Variants in ASXL3 observed in about 807,000 individuals in gnomAD.
ASXL3 encodes the protein putative Polycomb group protein ASXL3.
Under a neutral mutation model 170.6 loss-of-function variants are expected in ASXL3, and 34 were observed. That is an observed-to-expected ratio of 0.20 (90% confidence interval 0.15 to 0.27). The LOEUF is 0.27. Ranked by LOEUF, ASXL3 falls within the 10% of genes least tolerant of loss-of-function variation. The pLI, the probability that ASXL3 is intolerant of heterozygous loss-of-function variation, is 1.00. For missense variants in ASXL3, 2,592 were observed against 2,695.3 expected, an observed-to-expected ratio of 0.96 and a Z score of 0.85; for synonymous variants, 1,002 against 989.1, an observed-to-expected ratio of 1.01 and a Z score of -0.24.
intron 8 of ASXL3, among the ~76,000 whole-genome samples, chr18:33,713,341 A>ACCTCC (rs561144354): frequency 1.8e-5 from 1 of 56,056 alleles, no homozygotes; most frequent in African/African-American, 7.3e-5. Flanking sequence ...TGCAACCTCC[A>ACCTCC]CCCCCCCCCG....
intron 1 of ASXL3, among the ~76,000 whole-genome samples, chr18:33,592,860 A>G (rs923372012): frequency 1.3e-5 from 2 of 152,000 alleles, no homozygotes; most frequent in African/African-American, 4.8e-5. Flanking sequence ...CCTTTCCAGT[A>G]TTTATATTTT....
At position 33,646,294 on chromosome 18, in the gene ASXL3, A is replaced by C. The variant is rs978405700; in HGVS notation, c.296A>C (p.Glu99Ala). 1.2e-6 allele frequency: 2 copies of C among 1,611,656 alleles called. No individual in the cohort carries two copies. The highest frequency in any genetic ancestry group is 8.5e-7 in the Non-Finnish European group (1 of 1,178,296). Residue 99 changes from glutamate (E) to alanine (A), a missense_variant, in exon 4 of 12, where the codon GAA becomes GCA. This residue lies in a region of ASXL3 where 251 missense variants were observed against 281.9 expected (regional missense o/e 0.89). Transcript: ENST00000269197. ...GATGGCACGTTGGATTTAGTCTGTG[A>C]ATCTGAATTGGATGGTACAGATATG... The part of the protein sequence containing the change: ...PADGTLDLVC[E>A]SELDGTDMAE...
chr18:33,615,580 C>G (rs2065409895), intron 2 of ASXL3, among the ~76,000 whole-genome samples: 1 of 152,130 alleles, frequency 6.6e-6, no homozygotes, highest in South Asian at 2.1e-4. Flanking sequence ...TTGCCTCAAA[C>G]TTGCAATTTG....
chr18:33,633,276 C>T (rs1292079045), intron 2 of ASXL3, among the ~76,000 whole-genome samples: 2 of 152,070 alleles, frequency 1.3e-5, no homozygotes, highest in Non-Finnish European at 2.9e-5. Flanking sequence ...ACAAAGAGAA[C>T]ACTATATAAA....
At position 33,746,855 on chromosome 18, in the gene ASXL3, A is replaced by G. The variant is rs1185141962; in HGVS notation, c.*260A>G. The G allele has an allele frequency of 9.6e-6, 4 of 418,488 alleles. No individual in the cohort carries two copies. In the East Asian group the frequency reaches 1.5e-4, roughly 16 times the overall value. The allele number at this position is 418,488 out of a possible 1,614,324, so 25.9% of individuals were successfully genotyped here. ...AAAGTTTCTATCTGTCCATGTGTAT[A>G]CAAGTCAATGCCCCATTTTTGTTTT... is the stretch of plus-strand genomic sequence containing the variant. On this transcript the variant is annotated 3_prime_UTR_variant, in exon 12 of 12. Coordinates refer to ENST00000269197, the MANE Select transcript of ASXL3 (RefSeq NM_030632.3).
intron 1 of ASXL3, among the ~76,000 whole-genome samples, 180 bp from the exon 2 acceptor site, chr18:33,607,414 G>A (rs747845969): frequency 4.0e-5 from 6 of 151,768 alleles, no homozygotes; most frequent in African/African-American, 1.2e-4. Context: ...AGAAATTTCC[G>A]ATTTAAATGT....
At chr18:33,721,100 A>G (rs2067250205) in intron 8 of ASXL3, among the ~76,000 whole-genome samples, 1 of 152,028 alleles carries the variant, frequency 6.6e-6, no homozygotes, top group Admixed American at 6.6e-5. Flanking sequence ...TTATAATGAA[A>G]CCTGTTTCTC....
intron 8 of ASXL3, among the ~76,000 whole-genome samples, chr18:33,709,588 T>G (rs976808915): frequency 6.6e-6 from 1 of 152,150 alleles, no homozygotes; most frequent in African/African-American, 2.4e-5. Flanking sequence ...AAAACTAATC[T>G]GTGGTGTTAG....
chr18:33,727,065 C>T (rs2067364231), intron 8 of ASXL3, among the ~76,000 whole-genome samples: 1 of 152,144 alleles, frequency 6.6e-6, no homozygotes, highest in African/African-American at 2.4e-5. Flanking sequence ...CTATTTAGAG[C>T]CGCAATCATC....
chr18:33,626,713 G>A (rs2065609715), intron 2 of ASXL3: 1 of 152,052 alleles, frequency 6.6e-6, no homozygotes, highest in Non-Finnish European at 1.5e-5. Flanking sequence ...TTCTGCTATG[G>A]AAAGGATCTT....
chr18:33,705,407 A>T (rs1319586004), intron 8 of ASXL3, among the ~76,000 whole-genome samples: 1 of 151,286 alleles, frequency 6.6e-6, no homozygotes, highest in Non-Finnish European at 1.5e-5. Context: ...CTTATATCAA[A>T]CGTGTGTGAC....
At position 33,745,583 on chromosome 18, in the gene ASXL3, A is replaced by G; in HGVS notation, c.5735A>G (p.His1912Arg). ...TGTAGCTTCCAGCAGAACCTATTTC[A>G]TGTTGACAAGAATGGCGGCTTCCAC... is the stretch of plus-strand genomic sequence containing the variant. ...PSCSFQQNLFHVDKNGGFHTD... is the reference protein window; with the variant it reads ...PSCSFQQNLFRVDKNGGFHTD... The change falls in exon 12 of 12, where the codon CAT becomes CGT. Residue 1912 changes from histidine (H) to arginine (R), a missense_variant. His to Arg is a conservative substitution (Grantham distance 29, BLOSUM62 0). Around this residue, in one of 4 missense-constraint regions of ASXL3, gnomAD observed 2,246 missense variants for 2,219.6 expected, o/e 1.01. Transcript: ENST00000269197. 6.2e-7 allele frequency: 1 copy of G among 1,613,972 alleles called. No individual in the cohort carries two copies. The highest frequency in any genetic ancestry group is 2.2e-5 in the East Asian group (1 of 44,868).
chr18:33,612,513 T>C (rs2065351631), intron 2 of ASXL3, among the ~76,000 whole-genome samples: 1 of 152,086 alleles, frequency 6.6e-6, no homozygotes, highest in South Asian at 2.1e-4. Context: ...AATTCTTTAT[T>C]CCACTGATAA....
At position 33,739,205 on chromosome 18, in the gene ASXL3, C is replaced by G; in HGVS notation, c.1801C>G (p.Gln601Glu). The G allele has an allele frequency of 1.9e-6, 3 of 1,613,874 alleles. No individual in the cohort carries two copies. The highest frequency in any genetic ancestry group is 2.5e-6 in the Non-Finnish European group (3 of 1,179,836). Residue 601 changes from glutamine (Q) to glutamate (E), a missense_variant, in exon 11 of 12, where the codon CAG becomes GAG. This residue lies in a region of ASXL3 where 2,246 missense variants were observed against 2,219.6 expected (regional missense o/e 1.01). Coordinates refer to ENST00000269197, the MANE Select transcript of ASXL3 (RefSeq NM_030632.3). ...DMELQSDPEE[Q>E]LSENACISET... ...GGAGCTACAGAGTGACCCTGAAGAA[C>G]AGCTTTCAGAAAATGCCTGCATCTC...
chr18:33,715,621 T>A (rs2067152450), intron 8 of ASXL3, among the ~76,000 whole-genome samples: 1 of 152,220 alleles, frequency 6.6e-6, no homozygotes, highest in African/African-American at 2.4e-5. Flanking sequence ...GTGTGACTAA[T>A]ATTTTTGTTA....
Position 33,743,575 on chromosome 18 carries a change from A to C in ASXL3, c.3727A>C (p.Thr1243Pro). ...TTCTGTCCCTGTATCTGTTTGCAGC[A>C]CTGCTATATCGGGAGCAATTAAAGA... is the stretch of plus-strand genomic sequence containing the variant. ...KNSVPVSVCS[T>P]AISGAIKEHP... The change falls in exon 12 of 12, where the codon ACT (threonine) becomes CCT (proline). Residue 1243 changes from threonine to proline, a missense_variant. Transcript: ENST00000269197. 1 of 1,613,254 alleles carries C rather than the reference A, an allele frequency of 6.2e-7. No homozygotes were observed.
chr18:33,591,839 C>A (rs1439239696), intron 1 of ASXL3, among the ~76,000 whole-genome samples: 1 of 151,934 alleles, frequency 6.6e-6, no homozygotes, highest in African/African-American at 2.4e-5. Flanking sequence ...GATGGGGTTT[C>A]ACCATGTTAG....
At chr18:33,608,924 C>T in intron 2 of ASXL3, 1 of 501,054 alleles carries the variant, frequency 2.0e-6, no homozygotes, top group Non-Finnish European at 2.6e-6. Flanking sequence ...TCACAATTTA[C>T]TGGCGTACAG....
chr18:33,680,043 A>C (rs1051976512), intron 7 of ASXL3, among the ~76,000 whole-genome samples: 23 of 151,718 alleles, frequency 1.5e-4, no homozygotes, highest in African/African-American at 5.6e-4. Flanking sequence ...TAGTTCATTT[A>C]TTAATTTCAT....
Sources: gnomAD v4.1 joint callset for allele counts (sites outside exome capture counted in the v4.1 genomes callset) on GRCh38, gnomAD v4.1.1 for gene constraint, gnomAD v4.1.1 regional missense constraint, MANE v1.5 for transcripts, NCBI Gene and HGNC (gene_info 2026-07-23, HGNC 2026-07-21) for gene names.